The following SMAD3 variants were observed in gnomAD, a reference collection of about 807,000 sequenced individuals.
SMAD3 encodes SMAD family member 3, also known as MAD homolog 3.
SMAD3 carries 12 observed loss-of-function variants against 51.8 expected under a neutral mutation model. That is an observed-to-expected ratio of 0.23 (90% CI 0.15 to 0.38). SMAD3 has a LOEUF of 0.38. SMAD3 is among the 10% of genes least tolerant of loss of function. The pLI, the probability that SMAD3 is intolerant of heterozygous loss-of-function variation, is 1.00. For synonymous variants in SMAD3, 238 were observed against 227.7 expected, an observed-to-expected ratio of 1.05 and a Z score of -0.41; for missense variants, 294 against 565.6, an observed-to-expected ratio of 0.52 and a Z score of 4.87.
chr15:67,177,424 T>TTTTTTTTTTTTG (rs1268991075), intron 5 of SMAD3, among the ~76,000 whole-genome samples: 3 of 135,894 alleles, frequency 2.2e-5, no homozygotes, highest in South Asian at 2.5e-4. Flanking sequence ...TGTTTTGGGT[T>TTTTTTTTTTTTG]TTTTTTTTTT....
chr15:67,113,294 G>C (rs1308774773), intron 1 of SMAD3, among the ~76,000 whole-genome samples: 1 of 148,936 alleles, frequency 6.7e-6, no homozygotes, highest in Non-Finnish European at 1.5e-5. Flanking sequence ...GTTTCACCGT[G>C]TTAGCCAGGA....
intron 1 of SMAD3, chr15:67,098,854 C>T (rs773776412): frequency 4.7e-5 from 33 of 700,486 alleles, no homozygotes; most frequent in South Asian, 2.5e-4. Flanking sequence ...GATTTGGGGA[C>T]GGTGGGAGGG....
At chr15:67,134,611 TGACCCA>T (rs1670662530) in intron 1 of SMAD3, among the ~76,000 whole-genome samples, 1 of 152,146 alleles carries the variant, frequency 6.6e-6, no homozygotes, top group African/African-American at 2.4e-5. Flanking sequence ...GGCAAACACT[TGACCCA>T]TCCCAGCCCC....
intron 1 of SMAD3, among the ~76,000 whole-genome samples, chr15:67,157,666 G>A (rs562285588): frequency 6.6e-6 from 1 of 152,342 alleles, no homozygotes; most frequent in African/African-American, 2.4e-5. Flanking sequence ...ATCGGTGGAA[G>A]TGCAGACGTG....
Position 67,192,632 on chromosome 15 carries a change from C to T in SMAD3, c.*2096C>T, listed in dbSNP as rs1220087248. Reference sequence around the variant, plus strand: ...AGTTTCCGAGGGCCTGCATGATCCACCTGCTGCACGATCCTATGAGGGCTT... The same window carrying T: ...AGTTTCCGAGGGCCTGCATGATCCATCTGCTGCACGATCCTATGAGGGCTT... On this transcript the variant is annotated 3_prime_UTR_variant, in exon 9 of 9. Coordinates refer to ENST00000327367, the MANE Select transcript of SMAD3 (RefSeq NM_005902.4). 1 of 233,208 alleles carries T rather than the reference C, an allele frequency of 4.3e-6. No individual in the cohort carries two copies. Among genetic ancestry groups the T allele is most frequent in the East Asian group, 6.0e-5 (1 of 16,714 alleles). 14.4% of individuals were successfully genotyped at this position (233,208 alleles called of 1,614,324 possible).
intron 5 of SMAD3, among the ~76,000 whole-genome samples, chr15:67,175,506 C>T (rs1465476159): frequency 6.6e-6 from 1 of 152,184 alleles, no homozygotes; most frequent in East Asian, 1.9e-4. Flanking sequence ...CATAGTTCTC[C>T]CTCCCTACTG....
In SMAD3 at chr15:67,065,616, G is replaced by T. The variant is rs1016783573; in HGVS notation, c.-539G>T. Among the ~76,000 whole-genome samples the T allele has an allele frequency of 1.3e-5, 2 of 150,924 alleles. No individual in the cohort carries two copies. Among genetic ancestry groups the T allele is most frequent in the African/African-American group, 4.9e-5 (2 of 41,088 alleles). On this transcript the variant is annotated 5_prime_UTR_variant, in exon 1 of 9. Transcript: ENST00000327367. ...CGGATTTGCATGAAACACAGACTGG[G>T]AGCGGGCGGGAGCGGGAGCGCGGCG...
chr15:67,110,370 C>G (rs1275730282), intron 1 of SMAD3, among the ~76,000 whole-genome samples: 1 of 152,148 alleles, frequency 6.6e-6, no homozygotes, highest in Non-Finnish European at 1.5e-5. Context: ...TGACCCCAGC[C>G]TGTAGCGGGA....
chr15:67,092,357 G>T (rs752379270), intron 1 of SMAD3, among the ~76,000 whole-genome samples: 1 of 152,162 alleles, frequency 6.6e-6, no homozygotes, highest in African/African-American at 2.4e-5. Context: ...TAGATGAACC[G>T]CATTTAACCA....
intron 4 of SMAD3, among the ~76,000 whole-genome samples, chr15:67,167,199 G>A (rs1412133065): frequency 1.3e-5 from 2 of 152,336 alleles, no homozygotes; most frequent in East Asian, 3.9e-4. Context: ...TCTTGGTGAT[G>A]TGTAAGTGTT....
In SMAD3 at chr15:67,181,166, T is replaced by TGGAC. The variant is rs1963041908; in HGVS notation, c.659-74_659-73insGACG. ...AATGCGGGGAAATGGTTTTCCAGAG[T>TGGAC]GTCCATGGGACCCCATCGAGGGAGC... On this transcript the variant is annotated intron_variant, in intron 5 of 8. Coordinates refer to ENST00000327367, the MANE Select transcript of SMAD3 (RefSeq NM_005902.4). The TGGAC allele has an allele frequency of 4.6e-6, 5 of 1,081,676 alleles. No individual in the cohort carries two copies. The East Asian group carries it at 1.2e-4, about 27-fold the overall frequency. The allele number at this position is 1,081,676 out of a possible 1,614,324, so 67.0% of individuals were successfully genotyped here.
Position 67,191,776 on chromosome 15 carries a change from T to A in SMAD3, c.*1240T>A. 1 of 230,828 alleles carries A rather than the reference T, an allele frequency of 4.3e-6. No individual in the cohort carries two copies. The highest frequency in any genetic ancestry group is 8.6e-6 in the Non-Finnish European group (1 of 116,422). 14.3% of individuals were successfully genotyped at this position (230,828 alleles called of 1,614,324 possible). ...AAAATATTTTTACACCTTTGAAAATTGCAGGCTTGGTACAAAGAGGTCTGT... is the reference window on the plus strand; with the variant it reads ...AAAATATTTTTACACCTTTGAAAATAGCAGGCTTGGTACAAAGAGGTCTGT... On this transcript the variant is annotated 3_prime_UTR_variant, in exon 9 of 9. Transcript: ENST00000327367.
chr15:67,070,010 G>T (rs1044634256), intron 1 of SMAD3, among the ~76,000 whole-genome samples: 4 of 151,812 alleles, frequency 2.6e-5, no homozygotes, highest in African/African-American at 9.7e-5. Flanking sequence ...CACCGAATCT[G>T]ATCTTTTACT....
chr15:67,131,550 A>G (rs1961526075), intron 1 of SMAD3, among the ~76,000 whole-genome samples: 1 of 152,222 alleles, frequency 6.6e-6, no homozygotes, highest in Admixed American at 6.5e-5. Context: ...GGTGCTGGTC[A>G]CAGTTTGCTC....
At chr15:67,113,234 C>T (rs1961061784) in intron 1 of SMAD3, among the ~76,000 whole-genome samples, 1 of 128,698 alleles carries the variant, frequency 7.8e-6, no homozygotes. Flanking sequence ...CTACAGGCGC[C>T]TGCCACCACG....
Position 67,066,374 on chromosome 15 carries a change from C to T in SMAD3, c.206+14C>T. 1 of 1,606,780 alleles carries T rather than the reference C, an allele frequency of 6.2e-7. No homozygotes were observed. The highest frequency in any genetic ancestry group is 2.2e-5 in the East Asian group (1 of 44,568). On this transcript the variant is annotated intron_variant, in intron 1 of 8. Coordinates refer to ENST00000327367, the MANE Select transcript of SMAD3 (RefSeq NM_005902.4). ...CACCATCCCCAGGTGGGGGCCCGCCCGGGGGGGACCCGGGGTCACGCCGGC... is the reference window on the plus strand; with the variant it reads ...CACCATCCCCAGGTGGGGGCCCGCCTGGGGGGGACCCGGGGTCACGCCGGC...
chr15:67,067,504 G>A (rs1438425170), intron 1 of SMAD3, among the ~76,000 whole-genome samples: 1 of 152,174 alleles, frequency 6.6e-6, no homozygotes, highest in Non-Finnish European at 1.5e-5. Flanking sequence ...TGAGTAGAAA[G>A]CACCAGGGAC....
At chr15:67,129,549 A>G (rs1332010474) in intron 1 of SMAD3, among the ~76,000 whole-genome samples, 3 of 152,234 alleles carry the variant, frequency 2.0e-5, no homozygotes, top group Non-Finnish European at 2.9e-5. Flanking sequence ...TTGGGTGTAC[A>G]TGCACAGGAA....
intron 1 of SMAD3, among the ~76,000 whole-genome samples, chr15:67,129,649 T>C (rs1961474736): frequency 6.6e-6 from 1 of 152,192 alleles, no homozygotes; most frequent in Non-Finnish European, 1.5e-5. Flanking sequence ...ATAATTGCAA[T>C]TACTTCTAAA....
Sources: allele counts gnomAD v4.1 joint callset (sites outside exome capture counted in the v4.1 genomes callset), GRCh38; gene constraint gnomAD v4.1.1; transcripts MANE v1.5; gene names NCBI Gene and HGNC (gene_info 2026-07-23, HGNC 2026-07-21).